The following GRIN2A variants were observed in gnomAD, a reference collection of about 807,000 sequenced individuals.
The protein encoded by GRIN2A is glutamate ionotropic receptor NMDA type subunit 2A.
GRIN2A carries 22 observed loss-of-function variants against 113.4 expected under a neutral mutation model. The observed-to-expected ratio is 0.19, with a 90% CI of 0.14 to 0.28. The LOEUF (loss-of-function observed/expected upper bound fraction) is 0.28. Among genes scored for constraint, GRIN2A ranks in the 10% least tolerant of loss-of-function variants. The pLI, the probability that GRIN2A is intolerant of heterozygous loss-of-function variation, is 1.00. For missense variants in GRIN2A, 1,502 were observed against 1,887.0 expected, an observed-to-expected ratio of 0.80 and a Z score of 3.78; for synonymous variants, 827 against 738.4, an observed-to-expected ratio of 1.12 and a Z score of -1.94.
chr16:9,783,728 T>C (rs542506022), intron 11 of GRIN2A, among the ~76,000 whole-genome samples: 1 of 152,348 alleles, frequency 6.6e-6, no homozygotes, highest in Admixed American at 6.5e-5. Flanking sequence ...AGTGATTGGA[T>C]GGCAACTGAT....
intron 2 of GRIN2A, among the ~76,000 whole-genome samples, chr16:10,113,604 G>A (rs1002261612): frequency 1.3e-5 from 2 of 152,208 alleles, no homozygotes; most frequent in African/African-American, 4.8e-5. Context: ...TATGCTTACA[G>A]AGATTTTGAT....
chr16:10,006,994 T>C (rs2046415298), intron 2 of GRIN2A, among the ~76,000 whole-genome samples: 1 of 152,226 alleles, frequency 6.6e-6, no homozygotes, highest in South Asian at 2.1e-4. Context: ...TAGTACTCCA[T>C]TGTGTATATG....
chr16:10,127,546 A>G (rs2048966088), intron 2 of GRIN2A, among the ~76,000 whole-genome samples: 1 of 152,204 alleles, frequency 6.6e-6, no homozygotes, highest in South Asian at 2.1e-4. Context: ...AGCCTTTAGT[A>G]TCATTTCTAG....
At chr16:9,910,534 G>GTTTTTTTTTTT (rs2044112532) in intron 3 of GRIN2A, among the ~76,000 whole-genome samples, 1 of 138,824 alleles carries the variant, frequency 7.2e-6, no homozygotes, top group African/African-American at 2.7e-5. Context: ...AAGTCTCAGA[G>GTTTTTTTTTTT]TTCTTTTTTT....
At chr16:9,974,707 C>T (rs1384083385) in intron 2 of GRIN2A, among the ~76,000 whole-genome samples, 1 of 152,176 alleles carries the variant, frequency 6.6e-6, no homozygotes, top group Non-Finnish European at 1.5e-5. Flanking sequence ...TGAAGCAATG[C>T]AATACCAACC....
chr16:10,126,397 C>T (rs937674203), intron 2 of GRIN2A, among the ~76,000 whole-genome samples: 3 of 152,190 alleles, frequency 2.0e-5, no homozygotes, highest in Non-Finnish European at 2.9e-5. Context: ...AAACTCCTGG[C>T]CTCAAGCAAC....
chr16:9,973,790 A>G (rs1056679837), intron 2 of GRIN2A, among the ~76,000 whole-genome samples: 1 of 151,506 alleles, frequency 6.6e-6, no homozygotes, highest in African/African-American at 2.4e-5. Flanking sequence ...GCTGGGGGGA[A>G]AAAAAACAAA....
chr16:10,174,889 T>C (rs1210570286), intron 2 of GRIN2A, among the ~76,000 whole-genome samples: 2 of 150,764 alleles, frequency 1.3e-5, no homozygotes, highest in East Asian at 1.9e-4. Context: ...AAATTACACA[T>C]ATATATATAG....
chr16:9,821,011 C>T (rs2042273033), intron 10 of GRIN2A, among the ~76,000 whole-genome samples: 1 of 152,120 alleles, frequency 6.6e-6, no homozygotes, highest in Admixed American at 6.6e-5. Context: ...ATGCTCACAG[C>T]CAAAACTACC....
chr16:9,803,194 C>T (rs948895538), intron 10 of GRIN2A, among the ~76,000 whole-genome samples: 4 of 151,960 alleles, frequency 2.6e-5, no homozygotes, highest in African/African-American at 7.3e-5. Flanking sequence ...CACCTGAGGT[C>T]GGGAGTTTGA....
chr16:10,038,704 C>A (rs563012282), intron 2 of GRIN2A, among the ~76,000 whole-genome samples: 1 of 151,604 alleles, frequency 6.6e-6, no homozygotes, highest in South Asian at 2.1e-4. Flanking sequence ...AAAAATTACC[C>A]GGGCATGGCA....
chr16:9,813,368 T>C (rs2042123536), intron 10 of GRIN2A, among the ~76,000 whole-genome samples: 2 of 152,188 alleles, frequency 1.3e-5, no homozygotes, highest in Non-Finnish European at 2.9e-5. Context: ...TAGAGAATTA[T>C]AGTCAGAAGA....
intron 2 of GRIN2A, among the ~76,000 whole-genome samples, chr16:9,965,024 C>A (rs527487434): frequency 2.0e-5 from 3 of 152,238 alleles, no homozygotes; most frequent in South Asian, 2.1e-4. Flanking sequence ...TCCTCTGGAC[C>A]AATAAGCATG....
In GRIN2A at chr16:9,760,142, C is replaced by T. The variant is rs977249693; in HGVS notation, c.*3007G>A. On this transcript the variant is annotated 3_prime_UTR_variant, in exon 13 of 13. Transcript: ENST00000330684. Reference sequence around the variant, plus strand: ...AGAAATTTGGGCTCCTTGACATCAACAAATCTAAGAACTCAGAGCTGGGAT... The same window carrying T: ...AGAAATTTGGGCTCCTTGACATCAATAAATCTAAGAACTCAGAGCTGGGAT... 8.9e-6 allele frequency: 2 copies of T among 225,202 alleles called. No individual in the cohort carries two copies. The highest frequency in any genetic ancestry group is 4.5e-5 in the African/African-American group (2 of 44,874). The allele number at this position is 225,202 out of a possible 1,614,324, so 14.0% of individuals were successfully genotyped here.
At chr16:10,003,334 T>C (rs185545584) in intron 2 of GRIN2A, among the ~76,000 whole-genome samples, 1 of 151,972 alleles carries the variant, frequency 6.6e-6, no homozygotes, top group Non-Finnish European at 1.5e-5. Context: ...GTAATTACCA[T>C]AAAGGATTCC....
chr16:10,110,382 CT>C lies in GRIN2A; in HGVS notation c.414+69615del, dbSNP rs1342514615. 3.3e-5 allele frequency among the ~76,000 whole-genome samples: 5 copies of C among 152,248 alleles called. No homozygotes were observed. The East Asian group carries it at 9.6e-4, about 29-fold the overall frequency. On this transcript the variant is annotated intron_variant, in intron 2 of 12. Coordinates refer to ENST00000330684, the MANE Select transcript of GRIN2A (RefSeq NM_001134407.3). ...AATAGTTTGGATTTTTTAATAAATT[CT>C]AATGGACGCTATTACATGGTTTTTA...
Position 9,779,860 on chromosome 16 carries a change from C to T in GRIN2A, c.2357-10771G>A, listed in dbSNP as rs146681243. Among the ~76,000 whole-genome samples, 212 of 152,256 alleles carry T rather than the reference C, an allele frequency of 1.4e-3. 1 individual carries two copies. The highest frequency in any genetic ancestry group is 0.011 in the Admixed American group (174 of 15,292). The stretch of plus-strand genomic sequence containing the variant: ...CCAGGGATGAGTGGAAGAGCACATG[C>T]GGGTGGCAGAGAAGCTAGATATCAA... On this transcript the variant is annotated intron_variant, in intron 11 of 12. Coordinates refer to ENST00000330684, the MANE Select transcript of GRIN2A (RefSeq NM_001134407.3).
intron 10 of GRIN2A, among the ~76,000 whole-genome samples, chr16:9,811,340 C>G (rs562491815): frequency 6.6e-6 from 1 of 152,216 alleles, no homozygotes; most frequent in African/African-American, 2.4e-5. Flanking sequence ...TTCAGACGAA[C>G]TGTGGCTTCT....
At chr16:10,048,292 A>C (rs1197347957) in intron 2 of GRIN2A, among the ~76,000 whole-genome samples, 1 of 152,208 alleles carries the variant, frequency 6.6e-6, no homozygotes, top group Non-Finnish European at 1.5e-5. Context: ...AGCCCTATGT[A>C]AGCAATTATT....
Sources: allele counts gnomAD v4.1 joint callset (sites outside exome capture counted in the v4.1 genomes callset), GRCh38; gene constraint gnomAD v4.1.1; transcripts MANE v1.5; gene names NCBI Gene and HGNC (gene_info 2026-07-23, HGNC 2026-07-21).